The following NXPE2 variants were observed in gnomAD, a reference collection of about 807,000 sequenced individuals.
NXPE2 encodes neurexophilin and PC-esterase domain family member 2.
In NXPE2, 34 loss-of-function variants were observed where a neutral mutation model predicts 34.4. That is an observed-to-expected ratio of 0.99 (90% CI 0.75 to 1.31). The LOEUF is 1.31. Ranked by LOEUF, NXPE2 falls within the 40% of genes most tolerant of loss-of-function variation. The pLI, the probability that NXPE2 is intolerant of heterozygous loss-of-function variation, is 0.00. For missense variants in NXPE2, 649 were observed against 672.5 expected, an observed-to-expected ratio of 0.97 and a Z score of 0.39; for synonymous variants, 235 against 231.3, an observed-to-expected ratio of 1.02 and a Z score of -0.15.
At chr11:114,771,853 C>T in the NXPE2 span, among the ~76,000 whole-genome samples, 1 of 152,232 alleles carries the variant, frequency 6.6e-6, no homozygotes, top group Non-Finnish European at 1.5e-5. Context: ...GGTCCTTATT[C>T]AGAGTTCTCC....
chr11:114,745,131 G>GA, the NXPE2 span, among the ~76,000 whole-genome samples: 5 of 152,124 alleles, frequency 3.3e-5, no homozygotes, highest in Admixed American at 2.0e-4. Context: ...GTATATTAGA[G>GA]AAAATAAGCT....
At chr11:114,735,480 T>C in the NXPE2 span, among the ~76,000 whole-genome samples, 3 of 152,188 alleles carry the variant, frequency 2.0e-5, no homozygotes, top group African/African-American at 7.2e-5. Flanking sequence ...CTGAGTATAG[T>C]TGTCTCATTT....
the NXPE2 span, among the ~76,000 whole-genome samples, chr11:114,800,750 C>G: frequency 6.6e-6 from 1 of 152,132 alleles, no homozygotes; most frequent in African/African-American, 2.4e-5. Flanking sequence ...TGTAATCTCT[C>G]TTGGTCTGTT....
At chr11:114,699,786 C>T (rs1018108207) in intron 3 of NXPE2, among the ~76,000 whole-genome samples, 1 of 131,024 alleles carries the variant, frequency 7.6e-6, no homozygotes, top group African/African-American at 2.9e-5. Flanking sequence ...CTACTTTTCA[C>T]CATTCATTCA....
At chr11:114,614,261 G>A in the NXPE2 span, among the ~76,000 whole-genome samples, 4 of 151,866 alleles carry the variant, frequency 2.6e-5, no homozygotes, top group African/African-American at 9.7e-5. Flanking sequence ...TGGATAGTAA[G>A]TATTGCTTCA....
chr11:114,684,779 A>C (rs1235376073), intron 2 of NXPE2, among the ~76,000 whole-genome samples: 1 of 152,220 alleles, frequency 6.6e-6, no homozygotes, highest in South Asian at 2.1e-4. Flanking sequence ...AGGCTAATAG[A>C]AGAAAGGAGG....
intron 2 of NXPE2, among the ~76,000 whole-genome samples, chr11:114,681,271 T>C (rs77340397): frequency 3.9e-5 from 6 of 152,220 alleles, no homozygotes; most frequent in East Asian, 3.8e-4. Flanking sequence ...TAAATGTATA[T>C]TGTGTGTCAG....
chr11:114,768,641 G>A, the NXPE2 span, among the ~76,000 whole-genome samples: 3 of 152,242 alleles, frequency 2.0e-5, no homozygotes, highest in Non-Finnish European at 2.9e-5. Context: ...CTTGTAAGTT[G>A]TATTCCTAGG....
At chr11:114,747,305 T>C in the NXPE2 span, among the ~76,000 whole-genome samples, 3 of 125,618 alleles carry the variant, frequency 2.4e-5, no homozygotes, top group African/African-American at 8.6e-5. Flanking sequence ...ATCTCATAGC[T>C]ATAGCAACCC....
the NXPE2 span, among the ~76,000 whole-genome samples, chr11:114,536,200 T>G: frequency 6.6e-6 from 1 of 152,086 alleles, no homozygotes; most frequent in African/African-American, 2.4e-5. Flanking sequence ...CATAATGAAA[T>G]GAAGGCAGAA....
the NXPE2 span, among the ~76,000 whole-genome samples, chr11:114,597,356 G>A: frequency 6.6e-6 from 1 of 152,034 alleles, no homozygotes; most frequent in Non-Finnish European, 1.5e-5. Context: ...ATTAACCAGG[G>A]GTGGACAAAC....
At chr11:114,557,515 T>A in the NXPE2 span, among the ~76,000 whole-genome samples, 3 of 151,230 alleles carry the variant, frequency 2.0e-5, no homozygotes, top group Non-Finnish European at 4.4e-5. Context: ...GGACTGGAAC[T>A]ACTGGGCTCA....
the NXPE2 span, among the ~76,000 whole-genome samples, chr11:114,712,723 A>C: frequency 1.3e-5 from 2 of 152,190 alleles, no homozygotes; most frequent in Non-Finnish European, 2.9e-5. Context: ...GGTTCCTCAC[A>C]AATTAAAAGT....
At chr11:114,589,852 C>G in the NXPE2 span, among the ~76,000 whole-genome samples, 1 of 152,154 alleles carries the variant, frequency 6.6e-6, no homozygotes, top group South Asian at 2.1e-4. Context: ...ATTAGGAGCA[C>G]AAAAACCCAA....
the NXPE2 span, among the ~76,000 whole-genome samples, chr11:114,506,755 C>T: frequency 6.6e-6 from 1 of 152,128 alleles, no homozygotes; most frequent in Non-Finnish European, 1.5e-5. Flanking sequence ...AAATTAATAA[C>T]ACTAAACACC....
chr11:114,593,368 A>G, the NXPE2 span, among the ~76,000 whole-genome samples: 1 of 152,168 alleles, frequency 6.6e-6, no homozygotes, highest in African/African-American at 2.4e-5. Flanking sequence ...TGGGCAAAAG[A>G]TCTGAATAGA....
At chr11:114,655,400 A>C in the NXPE2 span, among the ~76,000 whole-genome samples, 1 of 152,174 alleles carries the variant, frequency 6.6e-6, no homozygotes, top group Non-Finnish European at 1.5e-5. Flanking sequence ...GTCTTGGATC[A>C]TGCCTGTGTC....
chr11:114,728,211 A>G, the NXPE2 span, among the ~76,000 whole-genome samples: 1 of 152,050 alleles, frequency 6.6e-6, no homozygotes, highest in Non-Finnish European at 1.5e-5. Context: ...GTTAGCCTCA[A>G]TTGGAGAATC....
the NXPE2 span, chr11:114,579,998 C>T: frequency 1.4e-6 from 1 of 724,890 alleles, no homozygotes; most frequent in Non-Finnish European, 2.4e-6. Context: ...ATAACAATGC[C>T]TTGTGAAAAA....
Sources: allele counts gnomAD v4.1 joint callset (sites outside exome capture counted in the v4.1 genomes callset), GRCh38; gene constraint gnomAD v4.1.1; transcripts MANE v1.5; gene names NCBI Gene and HGNC (gene_info 2026-07-23, HGNC 2026-07-21).